Variants in CNTNAP2 observed in about 807,000 individuals in gnomAD.
CNTNAP2 encodes contactin associated protein 2.
A neutral mutation model predicts 155.2 loss-of-function variants in CNTNAP2; 98 were observed. The observed-to-expected ratio is 0.63, with a 90% CI of 0.54 to 0.75. The LOEUF (loss-of-function observed/expected upper bound fraction) is 0.75, where lower values mean the gene tolerates loss of function less well. Among genes scored for constraint, CNTNAP2 ranks in the 30% least tolerant of loss-of-function variants. The probability of loss-of-function intolerance (pLI) is 0.00; values close to 1 mark genes in which losing one functional copy is unlikely to be tolerated. For missense variants in CNTNAP2, 1,727 were observed against 1,688.1 expected, an observed-to-expected ratio of 1.02 and a Z score of -0.40; for synonymous variants, 651 against 631.2, an observed-to-expected ratio of 1.03 and a Z score of -0.47.
chr7:146,318,731 A>G, intron 1 of CNTNAP2, among the ~76,000 whole-genome samples: 1 of 152,112 alleles, frequency 6.6e-6, no homozygotes, highest in East Asian at 1.9e-4. Context: ...AGTAATGGTG[A>G]AGCCGGTGTG....
chr7:148,010,737 A>T (rs1303273600), intron 15 of CNTNAP2, among the ~76,000 whole-genome samples: 2 of 151,726 alleles, frequency 1.3e-5, no homozygotes, highest in African/African-American at 2.4e-5. Context: ...AAGTACAGAG[A>T]TTTCACATTC....
At chr7:147,063,505 GT>G (rs1290081542) in intron 4 of CNTNAP2, among the ~76,000 whole-genome samples, 3 of 152,056 alleles carry the variant, frequency 2.0e-5, no homozygotes, top group Admixed American at 1.3e-4. Flanking sequence ...AGCAATCTCA[GT>G]TTTTTTCTGG....
chr7:146,659,482 G>T (rs552922785), intron 1 of CNTNAP2, among the ~76,000 whole-genome samples: 1 of 152,288 alleles, frequency 6.6e-6, no homozygotes, highest in South Asian at 2.1e-4. Context: ...AATATGTTGG[G>T]TGTTTGAGCA....
At chr7:146,234,857 C>T (rs1799445546) in intron 1 of CNTNAP2, among the ~76,000 whole-genome samples, 1 of 152,168 alleles carries the variant, frequency 6.6e-6, no homozygotes. Flanking sequence ...AGAAACTGAG[C>T]ATTTTAGCAT....
chr7:147,028,234 C>A (rs891687190), intron 3 of CNTNAP2, among the ~76,000 whole-genome samples: 6 of 152,102 alleles, frequency 3.9e-5, no homozygotes, highest in African/African-American at 1.2e-4. Context: ...TTTATTAGTG[C>A]AGAAGACTAA....
intron 13 of CNTNAP2, among the ~76,000 whole-genome samples, chr7:147,745,174 T>C (rs1168235305): frequency 1.3e-5 from 2 of 152,222 alleles, no homozygotes; most frequent in Non-Finnish European, 2.9e-5. Context: ...TCTCAAGTCA[T>C]TCTGCCTCTC....
chr7:147,078,792 C>T (rs1800050435), intron 4 of CNTNAP2, among the ~76,000 whole-genome samples: 1 of 151,714 alleles, frequency 6.6e-6, no homozygotes, highest in South Asian at 2.1e-4. Flanking sequence ...CTGTGTCCCC[C>T]AGGCTGGAGT....
intron 1 of CNTNAP2, among the ~76,000 whole-genome samples, chr7:146,416,711 TAA>T (rs976727191): frequency 6.6e-4 from 101 of 152,186 alleles, no homozygotes; most frequent in Non-Finnish European, 1.3e-4. Flanking sequence ...TAATTGTGGT[TAA>T]CTCTGCTTAT....
At chr7:146,368,202 T>C (rs1005738957) in intron 1 of CNTNAP2, among the ~76,000 whole-genome samples, 6 of 152,190 alleles carry the variant, frequency 3.9e-5, no homozygotes, top group Admixed American at 2.6e-4. Context: ...TATTGCTCTA[T>C]TTATATTCAG....
chr7:146,981,843 G>C (rs991296474), intron 3 of CNTNAP2, among the ~76,000 whole-genome samples: 10 of 152,046 alleles, frequency 6.6e-5, no homozygotes, highest in African/African-American at 2.4e-4. Flanking sequence ...TATAAATCAG[G>C]AGTTAGCAAA....
chr7:146,961,752 G>A (rs1797561465), intron 3 of CNTNAP2, among the ~76,000 whole-genome samples: 1 of 152,124 alleles, frequency 6.6e-6, no homozygotes, highest in African/African-American at 2.4e-5. Flanking sequence ...GGAAATGTAT[G>A]ACACAAGACA....
At chr7:147,969,764 C>G (rs1434524186) in intron 14 of CNTNAP2, among the ~76,000 whole-genome samples, 4 of 152,050 alleles carry the variant, frequency 2.6e-5, no homozygotes, top group Non-Finnish European at 4.4e-5. Context: ...TATAGGTTTC[C>G]TCTCCTGTTT....
chr7:146,163,529 A>C (rs200972577), intron 1 of CNTNAP2, among the ~76,000 whole-genome samples: 4 of 117,462 alleles, frequency 3.4e-5, no homozygotes, highest in Non-Finnish European at 5.5e-5. Context: ...ATATATATCT[A>C]TATATATCTA....
chr7:146,554,411 T>C (rs1798166697), intron 1 of CNTNAP2, among the ~76,000 whole-genome samples: 1 of 152,180 alleles, frequency 6.6e-6, no homozygotes, highest in African/African-American at 2.4e-5. Context: ...TCAACACATT[T>C]TTGGTAACTA....
intron 3 of CNTNAP2, among the ~76,000 whole-genome samples, chr7:146,941,706 G>T (rs1056654819): frequency 6.6e-6 from 1 of 151,842 alleles, no homozygotes; most frequent in South Asian, 2.1e-4. Context: ...AGCTTTGTTT[G>T]TCTAGAAAAG....
intron 8 of CNTNAP2, among the ~76,000 whole-genome samples, chr7:147,263,503 C>T (rs1364048376): frequency 6.6e-6 from 1 of 152,142 alleles, no homozygotes; most frequent in Non-Finnish European, 1.5e-5. Flanking sequence ...CATTGTTCTT[C>T]CTTGAAAACA....
chr7:148,311,392 G>A (rs947634970), intron 21 of CNTNAP2, among the ~76,000 whole-genome samples: 3 of 152,124 alleles, frequency 2.0e-5, no homozygotes, highest in Non-Finnish European at 4.4e-5. Flanking sequence ...GAGAGAATGA[G>A]TAAGGTTGAT....
In CNTNAP2 at chr7:148,160,079, A is replaced by T. The variant is rs552015278; in HGVS notation, c.2774-12163A>T. ...CATGGTGAAACCCCATCTCTACCAAAAAATACAAAAATTGGCTGGATGTGG... is the reference window on the plus strand; with the variant it reads ...CATGGTGAAACCCCATCTCTACCAATAAATACAAAAATTGGCTGGATGTGG... On this transcript the variant is annotated intron_variant, in intron 17 of 23. Transcript: ENST00000361727. 1.7e-4 allele frequency among the ~76,000 whole-genome samples: 26 copies of T among 152,246 alleles called. No homozygotes were observed. In the East Asian group the frequency reaches 4.8e-3, roughly 28 times the overall value.
intron 15 of CNTNAP2, among the ~76,000 whole-genome samples, chr7:148,034,865 C>T (rs1802544234): frequency 6.6e-6 from 1 of 152,088 alleles, no homozygotes; most frequent in South Asian, 2.1e-4. Flanking sequence ...GAAATATGGA[C>T]AATAAAGGGC....
Sources: allele counts gnomAD v4.1 joint callset (sites outside exome capture counted in the v4.1 genomes callset), GRCh38; gene constraint gnomAD v4.1.1; transcripts MANE v1.5; gene names NCBI Gene and HGNC (gene_info 2026-07-23, HGNC 2026-07-21).